Variants in MARVELD2 observed in about 807,000 individuals in gnomAD.
MARVELD2 encodes MARVEL domain containing 2.
MARVELD2 carries 49 observed loss-of-function variants against 57.6 expected under a neutral mutation model. That is an observed-to-expected ratio of 0.85 (90% CI 0.68 to 1.08). The LOEUF is 1.08. Among genes scored for constraint, MARVELD2 ranks in the 50% least tolerant of loss-of-function variants. The pLI is 0.00. For missense variants in MARVELD2, 606 were observed against 701.1 expected (o/e 0.86, Z 1.53); for synonymous variants, 238 against 258.8 (o/e 0.92, Z 0.77).
chr5:69,419,731 TCAC>T lies in MARVELD2; in HGVS notation c.352_354del (p.Pro118del). 2 of 1,614,058 alleles carry T rather than the reference TCAC, an allele frequency of 1.2e-6. No homozygotes were observed. Among genetic ancestry groups the T allele is most frequent in the Non-Finnish European group, 1.7e-6 (2 of 1,180,024 alleles). ...GTACATCTCCGATGGAGTGGAGTGTTCACCACCAGCCTCTCCAGCAAGACCAAA... is the reference window on the plus strand; with the variant it reads ...GTACATCTCCGATGGAGTGGAGTGTTCACCAGCCTCTCCAGCAAGACCAAA... On this transcript the variant is annotated inframe_deletion, in exon 2 of 7. Transcript: ENST00000325631.
intron 5 of MARVELD2, among the ~76,000 whole-genome samples, chr5:69,437,570 G>C (rs186237516): frequency 1.1e-3 from 164 of 151,356 alleles, no homozygotes; most frequent in African/African-American, 3.8e-3. Flanking sequence ...TGTAATCCTT[G>C]CTACTCGGGA....
At chr5:69,427,483 T>G (rs1766826597) in intron 3 of MARVELD2, among the ~76,000 whole-genome samples, 3 of 152,004 alleles carry the variant, frequency 2.0e-5, no homozygotes. Flanking sequence ...CGATCTCGGC[T>G]CACCGCAACC....
rs1019073495 is a variant in MARVELD2 at position 69,443,557 on chromosome 5, A to T, written c.*1903A>T. On this transcript the variant is annotated 3_prime_UTR_variant, in exon 7 of 7. Coordinates refer to ENST00000325631, the MANE Select transcript of MARVELD2 (RefSeq NM_001038603.3). ...TTTGGACTTTATTCATAAATGTTTT[A>T]TTTCTGTTAGTATGAACAATAGACT... 2 of 152,030 alleles carry T rather than the reference A, an allele frequency of 1.3e-5. No individual in the cohort carries two copies. Among genetic ancestry groups the T allele is most frequent in the African/African-American group, 2.4e-5 (1 of 41,392 alleles). The allele number at this position is 152,030 out of a possible 1,614,324, so 9.4% of individuals were successfully genotyped here. A position where few individuals can be genotyped will look rare whatever the true frequency, so the allele number is the denominator to read the frequency against.
rs866549811 is a variant in MARVELD2 at position 69,443,448 on chromosome 5, C to T, written c.*1794C>T. 3.3e-5 allele frequency: 5 copies of T among 152,280 alleles called. No homozygotes were observed. Among genetic ancestry groups the T allele is most frequent in the Middle Eastern group, 3.4e-3 (1 of 294 alleles). 9.4% of individuals were successfully genotyped at this position (152,280 alleles called of 1,614,324 possible). On this transcript the variant is annotated 3_prime_UTR_variant, in exon 7 of 7. Coordinates refer to ENST00000325631, the MANE Select transcript of MARVELD2 (RefSeq NM_001038603.3). Reference sequence around the variant, plus strand: ...CTCCTGACCTCAGATGATCTACCAGCCTCGGCCTTCTGAAGTGCTGGGATT... The same window carrying T: ...CTCCTGACCTCAGATGATCTACCAGTCTCGGCCTTCTGAAGTGCTGGGATT...
At position 69,443,118 on chromosome 5, in the gene MARVELD2, C is replaced by G. The variant is rs1366045803; in HGVS notation, c.*1464C>G. On this transcript the variant is annotated 3_prime_UTR_variant, in exon 7 of 7. Transcript: ENST00000325631. ...TGTTGGGATTACAGGCGTGAGTCAC[C>G]GCGCCCAGCTGGTATTGCTTTTCTA... The G allele has an allele frequency of 1.3e-5, 2 of 152,132 alleles. No individual in the cohort carries two copies. Among genetic ancestry groups the G allele is most frequent in the African/African-American group, 4.8e-5 (2 of 41,362 alleles). 9.4% of individuals were successfully genotyped at this position (152,132 alleles called of 1,614,324 possible). A position where few individuals can be genotyped will look rare whatever the true frequency, so the allele number is the denominator to read the frequency against.
intron 2 of MARVELD2, among the ~76,000 whole-genome samples, chr5:69,420,931 C>T (rs1335977435): frequency 1.3e-5 from 2 of 152,078 alleles, no homozygotes; most frequent in African/African-American, 4.8e-5. Context: ...AATAAAAGCT[C>T]CTAATTTTTC....
At position 69,419,860 on chromosome 5, in the gene MARVELD2, T is replaced by C. The variant is rs563094179; in HGVS notation, c.475T>C (p.Tyr159His). The C allele has an allele frequency of 6.2e-7, 1 of 1,614,098 alleles. No homozygotes were observed. Among genetic ancestry groups the C allele is most frequent in the Non-Finnish European group, 8.5e-7 (1 of 1,180,026 alleles). ...EADAVFPRDP[Y>H]GSLDRHTQTV... is the part of the protein sequence containing the mutation. ...TGACGCAGTGTTTCCCCGGGATCCCTATGGATCTCTAGACCGACACACACA... is the reference window on the plus strand; with the variant it reads ...TGACGCAGTGTTTCCCCGGGATCCCCATGGATCTCTAGACCGACACACACA... Residue 159 changes from tyrosine (Y) to histidine (H), a missense_variant, in exon 2 of 7, where the codon TAT becomes CAT. Physicochemically the swap from Tyr to His is moderately conservative, Grantham distance 83. Transcript: ENST00000325631.
At position 69,432,984 on chromosome 5, in the gene MARVELD2, A is replaced by C; in HGVS notation, c.1394A>C (p.Gln465Pro). 6.2e-7 allele frequency: 1 copy of C among 1,614,214 alleles called. No homozygotes were observed. The highest frequency in any genetic ancestry group is 2.2e-5 in the East Asian group (1 of 44,890). Reference sequence around the variant, plus strand: ...CGCTATAAAGCTGTGTTCCAAGACCAGTTTTCAGAGTACAAAGAGCTGTCT... The same window carrying C: ...CGCTATAAAGCTGTGTTCCAAGACCCGTTTTCAGAGTACAAAGAGCTGTCT... The part of the protein sequence containing the change: ...RERYKAVFQD[Q>P]FSEYKELSAE... The change falls in exon 5 of 7, where the codon CAG becomes CCG. Residue 465 changes from glutamine (Q) to proline (P), a missense_variant. Physicochemically the swap from Gln to Pro is moderately conservative, Grantham distance 76. Coordinates refer to ENST00000325631, the MANE Select transcript of MARVELD2 (RefSeq NM_001038603.3).
chr5:69,441,420 C>A lies in MARVELD2; in HGVS notation c.1555-112C>A. The A allele has an allele frequency of 3.2e-6, 4 of 1,234,792 alleles. No individual in the cohort carries two copies. In the South Asian group the frequency reaches 4.1e-5, roughly 13 times the overall value. 76.5% of individuals were successfully genotyped at this position (1,234,792 alleles called of 1,614,324 possible). A position where few individuals can be genotyped will look rare whatever the true frequency, so the allele number is the denominator to read the frequency against. Reference sequence around the variant, plus strand: ...TTAACTGTTACCCTGAGTTCAGAATCTGCTGTAGAGACTTTTGCTATGTAT... The same window carrying A: ...TTAACTGTTACCCTGAGTTCAGAATATGCTGTAGAGACTTTTGCTATGTAT... On this transcript the variant is annotated intron_variant, in intron 6 of 6. Coordinates refer to ENST00000325631, the MANE Select transcript of MARVELD2 (RefSeq NM_001038603.3).
At chr5:69,419,320 T>C in intron 1 of MARVELD2, 51 bp from the exon 2 acceptor site, 2 of 1,569,620 alleles carry the variant, frequency 1.3e-6, no homozygotes, top group East Asian at 4.5e-5. Flanking sequence ...ATCAGCATCA[T>C]TGAGAGGATA....
At chr5:69,421,630 A>G (rs1485499405) in intron 2 of MARVELD2, among the ~76,000 whole-genome samples, 2 of 150,804 alleles carry the variant, frequency 1.3e-5, no homozygotes, top group East Asian at 3.9e-4. Flanking sequence ...AATTTTTTTA[A>G]TTTTTTTTTT....
intron 6 of MARVELD2, among the ~76,000 whole-genome samples, chr5:69,441,088 G>GA (rs971249972): frequency 2.0e-4 from 29 of 147,688 alleles, no homozygotes; most frequent in East Asian, 7.8e-4. Flanking sequence ...GTCTCAAAAA[G>GA]AAAAAAAAAA....
chr5:69,425,310 G>T (rs1320079286), intron 3 of MARVELD2, among the ~76,000 whole-genome samples: 8 of 149,740 alleles, frequency 5.3e-5, no homozygotes, highest in African/African-American at 1.7e-4. Flanking sequence ...CGAGTTAGTG[G>T]GTGCAGCGCA....
At position 69,433,060 on chromosome 5, in the gene MARVELD2, G is replaced by A. The variant is rs1275009510; in HGVS notation, c.1470G>A (p.Met490Ile). The change falls in exon 5 of 7, where the codon ATG becomes ATA. Residue 490 changes from methionine to isoleucine, a missense_variant. By Grantham distance (10) the Met-to-Ile change is conservative. Transcript: ENST00000325631. ...AGTTTGATGAGCTGGATGCAGTGAT[G>A]AGCAGATTGCCACATCATTCGGAAA... ...LRKFDELDAV[M>I]SRLPHHSESR... The A allele has an allele frequency of 9.9e-6, 16 of 1,613,458 alleles. No individual in the cohort carries two copies. The East Asian group carries it at 2.0e-4, about 20-fold the overall frequency.
chr5:69,438,538 A>T (rs935481693), intron 5 of MARVELD2, among the ~76,000 whole-genome samples: 2 of 152,142 alleles, frequency 1.3e-5, no homozygotes, highest in Non-Finnish European at 2.9e-5. Flanking sequence ...GCTCAAAGCC[A>T]GGAGTTCAAG....
intron 5 of MARVELD2, among the ~76,000 whole-genome samples, chr5:69,438,070 G>A (rs1292829382): frequency 2.0e-5 from 3 of 152,150 alleles, no homozygotes; most frequent in South Asian, 2.1e-4. Flanking sequence ...AGGCTCATTC[G>A]TTTTCCCACC....
rs534441011 is a variant in MARVELD2 at position 69,419,821 on chromosome 5, T to G, written c.436T>G (p.Ser146Ala). ...PYGGSEGTFS[S>A]RKEADAVFPR... ...CGGAGGGTCAGAAGGAACCTTTAGT[T>G]CCCGGAAAGAGGCTGACGCAGTGTT... Residue 146 changes from serine (S) to alanine (A), a missense_variant, in exon 2 of 7, where the codon TCC becomes GCC. Coordinates refer to ENST00000325631, the MANE Select transcript of MARVELD2 (RefSeq NM_001038603.3). 1 of 1,614,138 alleles carries G rather than the reference T, an allele frequency of 6.2e-7. No homozygotes were observed. Among genetic ancestry groups the G allele is most frequent in the East Asian group, 2.2e-5 (1 of 44,882 alleles).
chr5:69,421,236 A>AT (rs1047317646), intron 2 of MARVELD2, among the ~76,000 whole-genome samples: 2 of 152,230 alleles, frequency 1.3e-5, no homozygotes, highest in Non-Finnish European at 2.9e-5. Context: ...GAAGGATGAG[A>AT]TAAAAGCCCT....
rs143508474 is a variant in MARVELD2, at chr5:69,424,624, G to A, written c.1170G>A (p.Ser390=). The change falls in exon 3 of 7, where the codon TCG becomes TCA. Residue 390 remains serine, a synonymous_variant. Coordinates refer to ENST00000325631, the MANE Select transcript of MARVELD2 (RefSeq NM_001038603.3). ...AGATAAATGAGCCATCATTGTCATC[G>A]AAAAGGAAAATGGTAAGAATAAAGT... is the stretch of plus-strand genomic sequence containing the variant. ...QQEINEPSLS[S]KRKMCEMATS... 223 of 1,601,960 alleles carry A rather than the reference G, an allele frequency of 1.4e-4. No individual in the cohort carries two copies. Among genetic ancestry groups the A allele is most frequent in the Non-Finnish European group, 1.3e-4 (149 of 1,168,654 alleles).
Sources: allele counts gnomAD v4.1 joint callset (sites outside exome capture counted in the v4.1 genomes callset), GRCh38; gene constraint gnomAD v4.1.1; transcripts MANE v1.5; gene names NCBI Gene and HGNC (gene_info 2026-07-23, HGNC 2026-07-21).